Variants in NDFIP2 observed in about 807,000 individuals in gnomAD.
NDFIP2 encodes the protein Nedd4 family interacting protein 2, also known as NEDD4 family-interacting protein 2.
Under a neutral mutation model 36.0 loss-of-function variants are expected in NDFIP2, and 19 were observed. The observed-to-expected ratio is 0.53, with a 90% CI of 0.37 to 0.77. The LOEUF (loss-of-function observed/expected upper bound fraction) is 0.77. Among genes scored for constraint, NDFIP2 ranks in the 30% least tolerant of loss-of-function variants. NDFIP2 has a pLI of 0.00. For missense variants in NDFIP2, 446 were observed against 435.8 expected (o/e 1.02, Z -0.21); for synonymous variants, 181 against 167.7 (o/e 1.08, Z -0.61).
chr13:79,485,877 A>G (rs1338778102), intron 1 of NDFIP2, among the ~76,000 whole-genome samples: 1 of 152,156 alleles, frequency 6.6e-6, no homozygotes, highest in African/African-American at 2.4e-5. Context: ...GGCATGGAAT[A>G]TTGTCTGTTA....
intron 1 of NDFIP2, among the ~76,000 whole-genome samples, chr13:79,520,140 T>C (rs776098327): frequency 2.0e-5 from 3 of 152,202 alleles, no homozygotes; most frequent in Non-Finnish European, 2.9e-5. Flanking sequence ...AAAACCTACT[T>C]AGCGTACTCC....
intron 2 of NDFIP2, among the ~76,000 whole-genome samples, chr13:79,532,433 T>A (rs1875052890): frequency 6.6e-6 from 1 of 152,186 alleles, no homozygotes; most frequent in African/African-American, 2.4e-5. Flanking sequence ...TGTGTGTCAG[T>A]GACTCTAGCA....
chr13:79,527,038 A>G (rs1440168466), intron 2 of NDFIP2, among the ~76,000 whole-genome samples: 6 of 152,276 alleles, frequency 3.9e-5, no homozygotes, highest in South Asian at 2.1e-4. Context: ...GATTTTGGCT[A>G]TTTGAAGATC....
At chr13:79,527,205 A>C (rs1400206023) in intron 2 of NDFIP2, among the ~76,000 whole-genome samples, 2 of 152,234 alleles carry the variant, frequency 1.3e-5, no homozygotes, top group Admixed American at 6.5e-5. Flanking sequence ...AAATAGGGGA[A>C]TCATTAAATA....
intron 1 of NDFIP2, among the ~76,000 whole-genome samples, chr13:79,497,174 A>G (rs1205737937): frequency 6.6e-6 from 1 of 152,022 alleles, no homozygotes; most frequent in African/African-American, 2.4e-5. Flanking sequence ...CCATAGATTC[A>G]GATTGTAAGC....
chr13:79,545,671 GATC>G (rs1813384792), intron 5 of NDFIP2, among the ~76,000 whole-genome samples: 1 of 152,136 alleles, frequency 6.6e-6, no homozygotes, highest in Non-Finnish European at 1.5e-5. Context: ...TGCTGGTGAT[GATC>G]TAGCCATTTT....
At chr13:79,500,058 A>G (rs959311345) in intron 1 of NDFIP2, among the ~76,000 whole-genome samples, 1 of 151,856 alleles carries the variant, frequency 6.6e-6, no homozygotes, top group Non-Finnish European at 1.5e-5. Flanking sequence ...ACTCAGAAAT[A>G]GGCCCACAAA....
At chr13:79,523,693 T>C (rs1213970601) in intron 2 of NDFIP2, among the ~76,000 whole-genome samples, 1 of 152,196 alleles carries the variant, frequency 6.6e-6, no homozygotes, top group East Asian at 1.9e-4. Context: ...CTTCTTCATG[T>C]GATGATATGA....
intron 5 of NDFIP2, among the ~76,000 whole-genome samples, chr13:79,544,950 C>T (rs1371640410): frequency 6.6e-6 from 1 of 152,120 alleles, no homozygotes; most frequent in East Asian, 1.9e-4. Context: ...TATCCCCTGA[C>T]AATTTCTTGT....
chr13:79,525,021 T>G (rs1874736542), intron 2 of NDFIP2, among the ~76,000 whole-genome samples: 1 of 152,216 alleles, frequency 6.6e-6, no homozygotes, highest in African/African-American at 2.4e-5. Flanking sequence ...TCTTCAACTC[T>G]GCCGGAAATG....
rs181062798 is a variant in NDFIP2 at position 79,510,858 on chromosome 13, G to T, written c.322-9952G>T. Among the ~76,000 whole-genome samples, 10 of 152,128 alleles carry T rather than the reference G, an allele frequency of 6.6e-5. No individual in the cohort carries two copies. The East Asian group carries it at 1.9e-3, about 29-fold the overall frequency. On this transcript the variant is annotated intron_variant, in intron 1 of 7. Transcript: ENST00000218652. ...TACTAAAAATACAAAAATTACCCAG[G>T]TCTGGTGGCACACACCTGTAATCTC...
At chr13:79,502,497 T>G (rs1873705148) in intron 1 of NDFIP2, among the ~76,000 whole-genome samples, 1 of 152,118 alleles carries the variant, frequency 6.6e-6, no homozygotes, top group Admixed American at 6.6e-5. Flanking sequence ...TAAGACTCTT[T>G]AAAGTTGGCT....
intron 1 of NDFIP2, among the ~76,000 whole-genome samples, chr13:79,499,994 CAA>C (rs1873594013): frequency 6.6e-6 from 1 of 151,724 alleles, no homozygotes; most frequent in South Asian, 2.1e-4. Flanking sequence ...GTAATCAAGA[CAA>C]TGTGGTGTTT....
intron 1 of NDFIP2, among the ~76,000 whole-genome samples, chr13:79,490,437 G>GGGT (rs1214289652): frequency 6.6e-6 from 1 of 152,066 alleles, no homozygotes; most frequent in Non-Finnish European, 1.5e-5. Flanking sequence ...ATGTTACTTG[G>GGGT]GGTGGTGGTG....
intron 6 of NDFIP2, among the ~76,000 whole-genome samples, chr13:79,550,262 T>C (rs1411237344): frequency 6.6e-6 from 1 of 151,780 alleles, no homozygotes; most frequent in Non-Finnish European, 1.5e-5. Context: ...CTTTAGAGAA[T>C]TTTACAGGTA....
At chr13:79,501,177 A>G (rs1873651852) in intron 1 of NDFIP2, among the ~76,000 whole-genome samples, 1 of 152,066 alleles carries the variant, frequency 6.6e-6, no homozygotes, top group African/African-American at 2.4e-5. Flanking sequence ...GGAGGGATGA[A>G]TAGGTGGAGC....
At chr13:79,517,998 G>A (rs1386799000) in intron 1 of NDFIP2, among the ~76,000 whole-genome samples, 1 of 150,570 alleles carries the variant, frequency 6.6e-6, no homozygotes, top group African/African-American at 2.5e-5. Context: ...ACAATTAATT[G>A]TTTAGGTGAT....
intron 2 of NDFIP2, among the ~76,000 whole-genome samples, chr13:79,525,642 G>A (rs1252967495): frequency 6.6e-6 from 1 of 152,204 alleles, no homozygotes; most frequent in African/African-American, 2.4e-5. Flanking sequence ...AGTGTTGACA[G>A]CGTGTATACA....
rs911891517 is a variant in NDFIP2, at chr13:79,539,706, A to G, written c.646A>G (p.Arg216Gly). ...GATTCAGGAGGAAGAGTGTCCACCA[A>G]GAGATGACTTCAGTGATGCAGACCA... ...QRIQEEECPP[R>G]DDFSDADQLR... Residue 216 changes from arginine (R) to glycine (G), a missense_variant, in exon 4 of 8, where the codon AGA becomes GGA. By Grantham distance (125) the Arg-to-Gly change is moderately radical. Transcript: ENST00000218652. 1.2e-6 allele frequency: 2 copies of G among 1,613,708 alleles called. No individual in the cohort carries two copies. The highest frequency in any genetic ancestry group is 1.7e-6 in the Non-Finnish European group (2 of 1,179,790).
Sources: gnomAD v4.1 joint callset for allele counts (sites outside exome capture counted in the v4.1 genomes callset) on GRCh38, gnomAD v4.1.1 for gene constraint, MANE v1.5 for transcripts, NCBI Gene and HGNC (gene_info 2026-07-23, HGNC 2026-07-21) for gene names.